Variants in RELCH observed in about 807,000 individuals in gnomAD.
RELCH encodes the protein RAB11-binding protein RELCH.
In RELCH, 41 loss-of-function variants were observed where a neutral mutation model predicts 150.3. That is an observed-to-expected ratio of 0.27 (90% CI 0.21 to 0.35). The LOEUF (loss-of-function observed/expected upper bound fraction) is 0.35, where lower values mean the gene tolerates loss of function less well. Among genes scored for constraint, RELCH ranks in the 10% least tolerant of loss-of-function variants. The pLI, the probability that RELCH is intolerant of heterozygous loss-of-function variation, is 1.00. For synonymous variants in RELCH, 478 were observed against 531.8 expected, an observed-to-expected ratio of 0.90 and a Z score of 1.39; for missense variants, 1,092 against 1,467.8, an observed-to-expected ratio of 0.74 and a Z score of 4.18.
At chr18:62,247,536 A>T (rs1380522021) in intron 11 of RELCH, 2 of 150,976 alleles carry the variant, frequency 1.3e-5, no homozygotes, top group Non-Finnish European at 2.9e-5. Flanking sequence ...CATGTTTATT[A>T]TAAGCGATTT....
At chr18:62,291,369 A>G (rs1188283982) in intron 26 of RELCH, among the ~76,000 whole-genome samples, 174 bp from the exon 27 acceptor site, 1 of 152,246 alleles carries the variant, frequency 6.6e-6, no homozygotes, top group African/African-American at 2.4e-5. Context: ...CTCCTGATAA[A>G]TAACTTACTC....
chr18:62,198,432 A>T (rs2039191900), intron 1 of RELCH, among the ~76,000 whole-genome samples: 1 of 152,072 alleles, frequency 6.6e-6, no homozygotes, highest in Admixed American at 6.5e-5. Flanking sequence ...CTTCTTCCAG[A>T]TTTTCTCACC....
chr18:62,277,986 A>G (rs2044304377), intron 22 of RELCH: 1 of 264,214 alleles, frequency 3.8e-6, no homozygotes, highest in Non-Finnish European at 5.9e-6. Context: ...TGGACAAGTT[A>G]CTTTCCGAAG....
intron 28 of RELCH, among the ~76,000 whole-genome samples, chr18:62,299,529 T>TA (rs2145137644): frequency 6.6e-6 from 1 of 152,280 alleles, no homozygotes; most frequent in South Asian, 2.1e-4. Context: ...CACTCACGCA[T>TA]ACGCTCCTCC....
chr18:62,255,086 T>C (rs1472296359), intron 12 of RELCH, among the ~76,000 whole-genome samples: 1 of 152,122 alleles, frequency 6.6e-6, no homozygotes, highest in Non-Finnish European at 1.5e-5. Context: ...ATTCTACTCT[T>C]GCTAGGGAAA....
chr18:62,278,036 T>C (rs567235530), intron 22 of RELCH: 33 of 158,742 alleles, frequency 2.1e-4, no homozygotes, highest in Non-Finnish European at 4.2e-4. Context: ...ATGATATTTG[T>C]ACTTACTTCA....
At chr18:62,295,237 C>T (rs2145095360) in intron 27 of RELCH, among the ~76,000 whole-genome samples, 1 of 151,774 alleles carries the variant, frequency 6.6e-6, no homozygotes, top group Middle Eastern at 3.5e-3. Context: ...CTATATAGAA[C>T]ATGCTATATC....
chr18:62,275,991 G>A (rs1397974433), intron 22 of RELCH, among the ~76,000 whole-genome samples: 1 of 152,098 alleles, frequency 6.6e-6, no homozygotes, highest in Non-Finnish European at 1.5e-5. Flanking sequence ...CAAAAGAGAG[G>A]AGACCAGGTA....
intron 27 of RELCH, among the ~76,000 whole-genome samples, chr18:62,296,251 T>C (rs2045402276): frequency 6.6e-6 from 1 of 152,212 alleles, no homozygotes; most frequent in Admixed American, 6.5e-5. Context: ...TCAGTTTTTT[T>C]GTGACCTGCT....
chr18:62,294,869 C>A lies in RELCH; in HGVS notation c.3459+3238C>A, dbSNP rs77376404. ...TGTTATTTCAGTATGTTTTTTGAACCGTTCATCCTTTTTGCACTGATTGGC... is the reference window on the plus strand; with the variant it reads ...TGTTATTTCAGTATGTTTTTTGAACAGTTCATCCTTTTTGCACTGATTGGC... On this transcript the variant is annotated intron_variant, in intron 27 of 28. Coordinates refer to ENST00000644646, the MANE Select transcript of RELCH (RefSeq NM_001346231.2). 8.0e-3 allele frequency among the ~76,000 whole-genome samples: 1,215 copies of A among 151,980 alleles called. 19 individuals carry two copies. Among genetic ancestry groups the A allele is most frequent in the African/African-American group, 0.028 (1,162 of 41,424 alleles).
At chr18:62,204,300 G>A (rs2039643964) in intron 1 of RELCH, among the ~76,000 whole-genome samples, 1 of 152,060 alleles carries the variant, frequency 6.6e-6, no homozygotes, top group South Asian at 2.1e-4. Flanking sequence ...TTTAGGTATT[G>A]CATAGTAATC....
rs1173179461 is a variant in RELCH at position 62,275,477 on chromosome 18, T to C, written c.2967+4T>C. Reference sequence around the variant, plus strand: ...TACTGCTGCTAGAATGTTTGAGGTATGTCAACACATGCCTCTGTTGGTTTC... The same window carrying C: ...TACTGCTGCTAGAATGTTTGAGGTACGTCAACACATGCCTCTGTTGGTTTC... On this transcript the variant is annotated splice_donor_region_variant and intron_variant, in intron 22 of 28. Coordinates refer to ENST00000644646, the MANE Select transcript of RELCH (RefSeq NM_001346231.2). 1.3e-6 allele frequency: 2 copies of C among 1,552,784 alleles called. No homozygotes were observed. Among genetic ancestry groups the C allele is most frequent in the Non-Finnish European group, 1.8e-6 (2 of 1,125,136 alleles).
rs1444900691 is a variant in RELCH at position 62,258,566 on chromosome 18, G to A, written c.2092G>A (p.Ala698Thr). 1.2e-6 allele frequency: 2 copies of A among 1,606,952 alleles called. No individual in the cohort carries two copies. The highest frequency in any genetic ancestry group is 1.7e-6 in the Non-Finnish European group (2 of 1,177,544). Residue 698 changes from alanine (A) to threonine (T), a missense_variant, in exon 15 of 29, where the codon GCT (alanine) becomes ACT (threonine). Coordinates refer to ENST00000644646, the MANE Select transcript of RELCH (RefSeq NM_001346231.2). ...TGATCCCTCAGAAAGAGTAGTTAGT[G>A]CTACACATCAAGTATTTTTACCAGC... ...LGDPSERVVS[A>T]THQVFLPAYA...
rs1210289796 is a variant in RELCH, at chr18:62,307,867, A to G, written c.*2333A>G. Reference sequence around the variant, plus strand: ...ATTACTAATTTAGCTGAATTCTTCCAAGAACAGTGCTTGAATGATGGCAGT... The same window carrying G: ...ATTACTAATTTAGCTGAATTCTTCCGAGAACAGTGCTTGAATGATGGCAGT... On this transcript the variant is annotated 3_prime_UTR_variant, in exon 29 of 29. Transcript: ENST00000644646. 1 of 152,234 alleles carries G rather than the reference A, an allele frequency of 6.6e-6. No individual in the cohort carries two copies. The highest frequency in any genetic ancestry group is 2.4e-5 in the African/African-American group (1 of 41,470). The allele number at this position is 152,234 out of a possible 1,614,324, so 9.4% of individuals were successfully genotyped here. A position where few individuals can be genotyped will look rare whatever the true frequency, so the allele number is the denominator to read the frequency against.
At chr18:62,231,138 T>G in intron 8 of RELCH, 56 bp from the exon 9 acceptor site, 1 of 1,169,984 alleles carries the variant, frequency 8.5e-7, no homozygotes, top group Non-Finnish European at 1.3e-6. Flanking sequence ...AAATTTCTCC[T>G]TAAATGTCAA....
chr18:62,229,462 C>T (rs2041418936), intron 8 of RELCH, among the ~76,000 whole-genome samples: 1 of 149,806 alleles, frequency 6.7e-6, no homozygotes, highest in Non-Finnish European at 1.5e-5. Flanking sequence ...TCATGAACCA[C>T]AGCTTCTTCT....
chr18:62,252,785 T>C (rs781430051), intron 12 of RELCH, 31 bp downstream of exon 12: 1 of 1,461,652 alleles, frequency 6.8e-7, no homozygotes, highest in Non-Finnish European at 9.6e-7. Flanking sequence ...TTCACCTAGC[T>C]ATTATAGCCT....
chr18:62,190,855 A>G (rs2038579041), intron 1 of RELCH, among the ~76,000 whole-genome samples: 1 of 152,308 alleles, frequency 6.6e-6, no homozygotes, highest in East Asian at 1.9e-4. Flanking sequence ...CACCCCAGTT[A>G]TGACCACCAA....
At chr18:62,201,746 T>C (rs558473453) in intron 1 of RELCH, among the ~76,000 whole-genome samples, 39 of 152,314 alleles carry the variant, frequency 2.6e-4, no homozygotes, top group African/African-American at 9.4e-4. Context: ...TCCATGTCCT[T>C]TAAAAAAATT....
Sources: allele counts gnomAD v4.1 joint callset (sites outside exome capture counted in the v4.1 genomes callset), GRCh38; gene constraint gnomAD v4.1.1; transcripts MANE v1.5; gene names NCBI Gene and HGNC (gene_info 2026-07-23, HGNC 2026-07-21).